Variants in SEMA3C observed in about 807,000 individuals in gnomAD.
SEMA3C encodes the protein semaphorin 3C.
Under a neutral mutation model 89.4 loss-of-function variants are expected in SEMA3C, and 47 were observed. The ratio of observed to expected loss-of-function variants is 0.53; its 90% CI spans 0.42 to 0.67. SEMA3C has a LOEUF of 0.67. Ranked by LOEUF, SEMA3C falls within the 30% of genes least tolerant of loss-of-function variation. The pLI is 0.00. For missense variants in SEMA3C, 839 were observed against 929.1 expected (o/e 0.90, Z 1.26); for synonymous variants, 310 against 320.2 (o/e 0.97, Z 0.34).
At chr7:80,757,679 T>C (rs1255703740) in intron 15 of SEMA3C, among the ~76,000 whole-genome samples, 1 of 152,052 alleles carries the variant, frequency 6.6e-6, no homozygotes, top group Non-Finnish European at 1.5e-5. Context: ...GCATATAAAA[T>C]AAAAAAGACG....
At chr7:80,795,691 T>C (rs1429805443) in intron 11 of SEMA3C, among the ~76,000 whole-genome samples, 1 of 152,216 alleles carries the variant, frequency 6.6e-6, no homozygotes, top group Non-Finnish European at 1.5e-5. Context: ...CATGAATGGT[T>C]TTCTCACAGT....
intron 2 of SEMA3C, among the ~76,000 whole-genome samples, chr7:80,864,137 C>A (rs1790869841): frequency 6.6e-6 from 1 of 151,872 alleles, no homozygotes; most frequent in Non-Finnish European, 1.5e-5. Context: ...TGAAGTAACA[C>A]AGGAATGGAA....
rs1417012141 is a variant in SEMA3C at position 80,745,229 on chromosome 7, A to C, written c.1921T>G (p.Tyr641Asp). ...CTATTTTCTGTAGCAATGCAGTGAT[A>C]AAGTCCTTGGTCAGAACCCTGAACA... ...RSVQGSDQGL[Y>D]HCIATENSFK... The change falls in exon 18 of 18, where the codon TAT (tyrosine) becomes GAT (aspartate). Residue 641 changes from tyrosine to aspartate, a missense_variant. Transcript: ENST00000265361. The C allele has an allele frequency of 6.2e-7, 1 of 1,614,036 alleles. No individual in the cohort carries two copies.
At chr7:80,761,027 T>G (rs569053428) in intron 14 of SEMA3C, among the ~76,000 whole-genome samples, 1 of 152,178 alleles carries the variant, frequency 6.6e-6, no homozygotes, top group Non-Finnish European at 1.5e-5. Flanking sequence ...TATATTTACA[T>G]GTGTAGGGAC....
chr7:80,857,862 T>G (rs1187037523), intron 2 of SEMA3C, among the ~76,000 whole-genome samples: 1 of 152,156 alleles, frequency 6.6e-6, no homozygotes, highest in Non-Finnish European at 1.5e-5. Flanking sequence ...ACTTACAGTG[T>G]CTTAGTTGCA....
At chr7:80,765,498 G>A (rs1479489897) in intron 12 of SEMA3C, among the ~76,000 whole-genome samples, 2 of 152,142 alleles carry the variant, frequency 1.3e-5, no homozygotes, top group Admixed American at 1.3e-4. Flanking sequence ...ATGAGAGAAG[G>A]AAAGAATGTT....
intron 11 of SEMA3C, among the ~76,000 whole-genome samples, chr7:80,796,237 T>G (rs1031400079): frequency 1.3e-5 from 2 of 152,200 alleles, no homozygotes; most frequent in Non-Finnish European, 2.9e-5. Context: ...CTCAAAAGTA[T>G]ATTTTTCTCT....
chr7:80,802,772 G>T lies in SEMA3C; in HGVS notation c.809C>A (p.Thr270Asn). ...SMIARICPND[T>N]GGLRSLVNKW... Reference sequence around the variant, plus strand: ...GTTGACAAGGCTACGCAGTCCACCAGTGTCATTCTAAAACCATTTTGTAAA... The same window carrying T: ...GTTGACAAGGCTACGCAGTCCACCATTGTCATTCTAAAACCATTTTGTAAA... Residue 270 changes from threonine to asparagine, a missense_variant, in exon 9 of 18, where the codon ACT (threonine) becomes AAT (asparagine). By Grantham distance (65) the Thr-to-Asn change is moderately conservative (BLOSUM62 0). Coordinates refer to ENST00000265361, the MANE Select transcript of SEMA3C (RefSeq NM_006379.5). The T allele has an allele frequency of 6.2e-7, 1 of 1,610,482 alleles. No individual in the cohort carries two copies. Among genetic ancestry groups the T allele is most frequent in the Non-Finnish European group, 8.5e-7 (1 of 1,177,170 alleles).
chr7:80,774,440 A>C (rs2117079207), intron 12 of SEMA3C, among the ~76,000 whole-genome samples: 1 of 152,316 alleles, frequency 6.6e-6, no homozygotes, highest in Non-Finnish European at 1.5e-5. Flanking sequence ...TCAAATAATA[A>C]AACAAATATA....
At chr7:80,793,599 A>G (rs1788993619) in intron 11 of SEMA3C, 1 of 380,188 alleles carries the variant, frequency 2.6e-6, no homozygotes, top group East Asian at 7.7e-5. Flanking sequence ...TTTAGGATCA[A>G]TTTCCCTACA....
intron 2 of SEMA3C, among the ~76,000 whole-genome samples, chr7:80,832,686 T>C (rs918539184): frequency 6.6e-5 from 10 of 152,102 alleles, no homozygotes; most frequent in Non-Finnish European, 1.5e-4. Context: ...ATTGCAGCAA[T>C]TGCATCTACC....
intron 5 of SEMA3C, among the ~76,000 whole-genome samples, chr7:80,815,553 G>GAAAAAAAAAAAAAAAAAAAAAA (rs1789582066): frequency 2.1e-5 from 1 of 47,784 alleles, no homozygotes; most frequent in Non-Finnish European, 4.4e-5. Context: ...CTTTAAATGG[G>GAAAAAAAAAAAAAAAAAAAAAA]CAAAAAAAAA....
chr7:80,849,841 A>T (rs1048210184), intron 2 of SEMA3C, among the ~76,000 whole-genome samples: 6 of 152,152 alleles, frequency 3.9e-5, no homozygotes, highest in Non-Finnish European at 8.8e-5. Flanking sequence ...ATATAACACT[A>T]CCATTATATG....
In SEMA3C at chr7:80,827,392, G is replaced by GTTTTTTTTT. The variant is rs36066966; in HGVS notation, c.327+24_327+32dup. ...TCGAAAACCAAATATTTAAGTTAGTGTTTTTTTTTTTTTTTTTTTTTTTAA... is the reference window on the plus strand; with the variant it reads ...TCGAAAACCAAATATTTAAGTTAGTGTTTTTTTTTTTTTTTTTTTTTTTTTTTTTTTTAA... On this transcript the variant is annotated intron_variant, in intron 4 of 17. Transcript: ENST00000265361. 4.9e-6 allele frequency: 6 copies of GTTTTTTTTT among 1,234,304 alleles called. No homozygotes were observed. In the South Asian group the frequency reaches 9.0e-5, roughly 19 times the overall value. The allele number at this position is 1,234,304 out of a possible 1,614,324, so 76.5% of individuals were successfully genotyped here.
chr7:80,871,994 C>T (rs1187137366), intron 2 of SEMA3C, among the ~76,000 whole-genome samples: 1 of 151,884 alleles, frequency 6.6e-6, no homozygotes, highest in Non-Finnish European at 1.5e-5. Context: ...AATCCTGTTA[C>T]TTCCCTGTCT....
intron 12 of SEMA3C, among the ~76,000 whole-genome samples, chr7:80,772,304 C>G (rs1788450846): frequency 1.3e-5 from 2 of 152,298 alleles, no homozygotes; most frequent in South Asian, 4.1e-4. Flanking sequence ...CAGAATAAAA[C>G]TGAATCATGA....
At chr7:80,772,465 G>A (rs1023689892) in intron 12 of SEMA3C, among the ~76,000 whole-genome samples, 7 of 152,152 alleles carry the variant, frequency 4.6e-5, no homozygotes, top group South Asian at 4.1e-4. Context: ...CACATGGTAA[G>A]CTTTGAATTG....
In SEMA3C at chr7:80,828,586, C is replaced by G; in HGVS notation, c.263G>C (p.Ser88Thr). The G allele has an allele frequency of 2.5e-6, 4 of 1,604,254 alleles. No individual in the cohort carries two copies. The highest frequency in any genetic ancestry group is 3.4e-6 in the Non-Finnish European group (4 of 1,174,192). ...NINNISQEAL[S>T]VFWPASTIKV... is the part of the protein sequence containing the mutation. ...TCCTCGTGAAAGTGATAAACTTACA[C>G]TCAAAGCTTCTTGACTTATATTGTT... is the stretch of plus-strand genomic sequence containing the variant. Residue 88 changes from serine (S) to threonine (T), a missense_variant and splice_region_variant, in exon 3 of 18, where the codon AGT (serine) becomes ACT (threonine). By Grantham distance (58) the Ser-to-Thr change is moderately conservative (BLOSUM62 1). Transcript: ENST00000265361.
upstream of SEMA3C, among the ~76,000 whole-genome samples, chr7:80,921,033 T>G (rs560471568): frequency 6.6e-6 from 1 of 152,180 alleles, no homozygotes; most frequent in Non-Finnish European, 1.5e-5. Flanking sequence ...CATTTTAAGT[T>G]TGAGAAAACC....
Sources: allele counts gnomAD v4.1 joint callset (sites outside exome capture counted in the v4.1 genomes callset), GRCh38; gene constraint gnomAD v4.1.1; transcripts MANE v1.5; gene names NCBI Gene and HGNC (gene_info 2026-07-23, HGNC 2026-07-21).